Variants in NXPE4 observed in about 807,000 individuals in gnomAD.
NXPE4 encodes neurexophilin and PC-esterase domain family member 4.
NXPE4 carries 42 observed loss-of-function variants against 33.3 expected under a neutral mutation model. That is an observed-to-expected ratio of 1.26 (90% confidence interval 0.98 to 1.63). The LOEUF is 1.63. Among genes scored for constraint, NXPE4 ranks in the 40% most tolerant of loss-of-function variants. The pLI is 0.00. For synonymous variants in NXPE4, 253 were observed against 234.9 expected (o/e 1.08, Z -0.71); for missense variants, 709 against 647.6 (o/e 1.09, Z -1.03).
chr11:114,640,280 ATTATT>A, the NXPE4 span, among the ~76,000 whole-genome samples: 1 of 144,018 alleles, frequency 6.9e-6, no homozygotes, highest in Non-Finnish European at 1.5e-5. Context: ...TATATAATAC[ATTATT>A]TTGTTCATTT....
At chr11:114,589,680 C>T (rs1404837941) in intron 2 of NXPE4, among the ~76,000 whole-genome samples, 1 of 152,126 alleles carries the variant, frequency 6.6e-6, no homozygotes, top group African/African-American at 2.4e-5. Context: ...TGAGTTGTAA[C>T]CACTATGCCA....
chr11:114,575,816 C>T (rs929924057), intron 5 of NXPE4, among the ~76,000 whole-genome samples: 1 of 152,020 alleles, frequency 6.6e-6, no homozygotes, highest in African/African-American at 2.4e-5. Flanking sequence ...CTTCAAAATA[C>T]CACCATCATT....
intron 2 of NXPE4, among the ~76,000 whole-genome samples, chr11:114,587,921 G>C (rs934172170): frequency 6.6e-6 from 1 of 152,174 alleles, no homozygotes; most frequent in African/African-American, 2.4e-5. Context: ...CTGGCCTGCA[G>C]AGGGGAGCCT....
the NXPE4 span, among the ~76,000 whole-genome samples, chr11:114,642,411 T>C: frequency 1.3e-5 from 2 of 152,104 alleles, no homozygotes; most frequent in East Asian, 1.9e-4. Context: ...CTCCTAATGC[T>C]ATCCCTCCCC....
chr11:114,652,201 C>A, the NXPE4 span, among the ~76,000 whole-genome samples: 1 of 152,134 alleles, frequency 6.6e-6, no homozygotes, highest in Non-Finnish European at 1.5e-5. Context: ...CTGAGAGGGG[C>A]TCTGAGACCT....
the NXPE4 span, among the ~76,000 whole-genome samples, chr11:114,659,575 T>TCAAGGGACAAATAAGAACTTCTACATAAC: frequency 6.6e-6 from 1 of 152,028 alleles, no homozygotes; most frequent in South Asian, 2.1e-4. Context: ...TTCTACATAA[T>TCAAGGGACAAATAAGAACTTCTACATAAC]TCAAGGGACA....
the NXPE4 span, among the ~76,000 whole-genome samples, chr11:114,602,734 A>G: frequency 6.9e-6 from 1 of 144,438 alleles, no homozygotes; most frequent in African/African-American, 2.5e-5. Flanking sequence ...TATCTCATAT[A>G]TAATTAAAGA....
chr11:114,676,689 C>T, the NXPE4 span, among the ~76,000 whole-genome samples: 1 of 152,066 alleles, frequency 6.6e-6, no homozygotes, highest in Admixed American at 6.6e-5. Context: ...TTTTGGATAA[C>T]AGTATGGAGA....
chr11:114,571,871 GT>G (rs1468036607), intron 5 of NXPE4, among the ~76,000 whole-genome samples: 9 of 152,330 alleles, frequency 5.9e-5, no homozygotes, highest in Admixed American at 2.0e-4. Context: ...CCTAGGGCAA[GT>G]TTCCATCCTG....
the NXPE4 span, among the ~76,000 whole-genome samples, chr11:114,652,388 T>G: frequency 6.6e-6 from 1 of 152,208 alleles, no homozygotes; most frequent in Non-Finnish European, 1.5e-5. Context: ...GACTGCGATT[T>G]GTACAGTCAA....
chr11:114,654,859 T>C, the NXPE4 span, among the ~76,000 whole-genome samples: 1 of 152,200 alleles, frequency 6.6e-6, no homozygotes, highest in Non-Finnish European at 1.5e-5. Flanking sequence ...CTGGGTCAAA[T>C]GGTATTTCTG....
At chr11:114,633,454 T>A in the NXPE4 span, among the ~76,000 whole-genome samples, 1 of 147,204 alleles carries the variant, frequency 6.8e-6, no homozygotes, top group African/African-American at 2.5e-5. Context: ...TGTATATTTT[T>A]TCTTTTTTTT....
chr11:114,642,001 A>T, the NXPE4 span, among the ~76,000 whole-genome samples: 1 of 152,218 alleles, frequency 6.6e-6, no homozygotes, highest in East Asian at 1.9e-4. Flanking sequence ...GATAAATTTT[A>T]AAAACCCAAA....
the NXPE4 span, among the ~76,000 whole-genome samples, chr11:114,631,412 C>G: frequency 6.6e-6 from 1 of 151,124 alleles, no homozygotes; most frequent in African/African-American, 2.4e-5. Flanking sequence ...TCTCAGTAAA[C>G]TATCGCAAGA....
chr11:114,637,163 T>C, the NXPE4 span, among the ~76,000 whole-genome samples: 1 of 151,892 alleles, frequency 6.6e-6, no homozygotes, highest in African/African-American at 2.4e-5. Context: ...TGGGTCCATA[T>C]ATATTTAGGA....
At chr11:114,594,561 C>A in intron 2 of NXPE4, 103 bp downstream of exon 2, 1 of 742,862 alleles carries the variant, frequency 1.3e-6, no homozygotes, top group African/African-American at 1.8e-5. Flanking sequence ...TTCAAACTCC[C>A]CTCCTATAAT....
chr11:114,583,451 T>A (rs1949204484), intron 2 of NXPE4: 2 of 666,792 alleles, frequency 3.0e-6, no homozygotes, highest in South Asian at 2.8e-5. Context: ...GATGACCAAG[T>A]ACCACAGTGA....
chr11:114,617,111 T>G, the NXPE4 span, among the ~76,000 whole-genome samples: 1 of 152,086 alleles, frequency 6.6e-6, no homozygotes, highest in South Asian at 2.1e-4. Flanking sequence ...TGTTGCCTCG[T>G]GGGTAACCAC....
At chr11:114,607,837 T>C in the NXPE4 span, among the ~76,000 whole-genome samples, 1 of 151,656 alleles carries the variant, frequency 6.6e-6, no homozygotes, top group Admixed American at 6.6e-5. Context: ...CATTGGATAA[T>C]AAGTATTGCC....
Sources: gnomAD v4.1 joint callset for allele counts (sites outside exome capture counted in the v4.1 genomes callset) on GRCh38, gnomAD v4.1.1 for gene constraint, MANE v1.5 for transcripts, NCBI Gene and HGNC (gene_info 2026-07-23, HGNC 2026-07-21) for gene names.